Variants in ARHGAP21 observed in about 807,000 individuals in gnomAD.
ARHGAP21 encodes the protein rho GTPase-activating protein 21.
Under a neutral mutation model 164.6 loss-of-function variants are expected in ARHGAP21, and 38 were observed. That is an observed-to-expected ratio of 0.23 (90% confidence interval 0.18 to 0.30). The LOEUF (loss-of-function observed/expected upper bound fraction) is 0.30. ARHGAP21 is among the 10% of genes least tolerant of loss of function. The pLI, the probability that ARHGAP21 is intolerant of heterozygous loss-of-function variation, is 1.00. For synonymous variants in ARHGAP21, 766 were observed against 857.9 expected, an observed-to-expected ratio of 0.89 and a Z score of 1.87; for missense variants, 1,822 against 2,370.7, an observed-to-expected ratio of 0.77 and a Z score of 4.81.
At position 24,658,060 on chromosome 10, in the gene ARHGAP21, T is replaced by TTAAA. The variant is rs60160198; in HGVS notation, c.268+8924_268+8925insTTTA. ...AAGAATTATCAATAAAAAAATAAAT[T>TTAAA]AAAAAAAAAAAAATGCTCATCATCA... On this transcript the variant is annotated intron_variant, in intron 4 of 25. Transcript: ENST00000396432. Among the ~76,000 whole-genome samples, 6 of 147,394 alleles carry TTAAA rather than the reference T, an allele frequency of 4.1e-5. 1 individual carries two copies. The South Asian group carries it at 1.3e-3, about 32-fold the overall frequency.
Position 24,723,821 on chromosome 10 carries a change from T to TC in ARHGAP21, c.-641dup, listed in dbSNP as rs1264927919. ...GGGCGGGGCGGCGGCCGCCGGACTC[T>TC]CCCCTCGCCTCGCCGGGCCGGGCCG... On this transcript the variant is annotated 5_prime_UTR_variant, in exon 1 of 26. Coordinates refer to ENST00000396432, the MANE Select transcript of ARHGAP21 (RefSeq NM_020824.4). Among the ~76,000 whole-genome samples the TC allele has an allele frequency of 2.0e-5, 3 of 148,378 alleles. No homozygotes were observed. Among genetic ancestry groups the TC allele is most frequent in the Non-Finnish European group, 4.5e-5 (3 of 66,912 alleles).
In ARHGAP21 at chr10:24,584,504, C is replaced by G; in HGVS notation, c.5785G>C (p.Val1929Leu). The G allele has an allele frequency of 1.2e-6, 2 of 1,613,914 alleles. No homozygotes were observed. The highest frequency in any genetic ancestry group is 1.7e-6 in the Non-Finnish European group (2 of 1,179,858). ...DQINGESFQN[V>L]SKNASSAANA... Reference sequence around the variant, plus strand: ...GCTGCAGAACTAGCATTTTTGCTCACGTTCTGGAAGCTTTCTCCGTTTATT... The same window carrying G: ...GCTGCAGAACTAGCATTTTTGCTCAGGTTCTGGAAGCTTTCTCCGTTTATT... Residue 1929 changes from valine (V) to leucine (L), a missense_variant, in exon 26 of 26, where the codon GTG (valine) becomes CTG (leucine). By Grantham distance (32) the Val-to-Leu change is conservative. Coordinates refer to ENST00000396432, the MANE Select transcript of ARHGAP21 (RefSeq NM_020824.4).
rs932450494 is a variant in ARHGAP21, at chr10:24,583,737, C to T, written c.*675G>A. 1 of 152,572 alleles carries T rather than the reference C, an allele frequency of 6.6e-6. No individual in the cohort carries two copies. The highest frequency in any genetic ancestry group is 1.5e-5 in the Non-Finnish European group (1 of 68,030). 9.5% of individuals were successfully genotyped at this position (152,572 alleles called of 1,614,324 possible). A position where few individuals can be genotyped will look rare whatever the true frequency, so the allele number is the denominator to read the frequency against. ...TCTCGATAAAGAAGCCAGTTCCATC[C>T]AGGATCCACTATCTACACACCTATG... On this transcript the variant is annotated 3_prime_UTR_variant, in exon 26 of 26. Transcript: ENST00000396432.
intron 2 of ARHGAP21, among the ~76,000 whole-genome samples, chr10:24,704,588 C>A (rs1170409567): frequency 6.6e-6 from 1 of 152,044 alleles, no homozygotes; most frequent in East Asian, 1.9e-4. Flanking sequence ...CCTCAGCCTC[C>A]CAAGCAGCTG....
At chr10:24,679,651 A>T in intron 2 of ARHGAP21, among the ~76,000 whole-genome samples, 1 of 152,178 alleles carries the variant, frequency 6.6e-6, no homozygotes, top group East Asian at 1.9e-4. Context: ...TATTTTAGCC[A>T]TTGTGACAAG....
intron 4 of ARHGAP21, among the ~76,000 whole-genome samples, chr10:24,646,781 ATGATT>A (rs1187573064): frequency 2.6e-5 from 4 of 152,202 alleles, no homozygotes; most frequent in African/African-American, 9.6e-5. Flanking sequence ...CCATTATACA[ATGATT>A]TGATCATTAT....
chr10:24,645,372 G>A (rs1007270640), intron 4 of ARHGAP21, among the ~76,000 whole-genome samples: 9 of 152,096 alleles, frequency 5.9e-5, no homozygotes, highest in Non-Finnish European at 7.3e-5. Flanking sequence ...CCTGCAGTCA[G>A]GAGATTGAGA....
chr10:24,680,837 C>T lies in ARHGAP21; in HGVS notation c.64-10440G>A, dbSNP rs114192834. The stretch of plus-strand genomic sequence containing the variant: ...TCTCCACCTAAGAAATATCCCTCTA[C>T]ACACATCTTATTTCCCTAATGTGAG... On this transcript the variant is annotated intron_variant, in intron 2 of 25. Coordinates refer to ENST00000396432, the MANE Select transcript of ARHGAP21 (RefSeq NM_020824.4). Among the ~76,000 whole-genome samples, 1,353 of 152,280 alleles carry T rather than the reference C, an allele frequency of 8.9e-3. 22 individuals carry two copies. The highest frequency in any genetic ancestry group is 0.032 in the African/African-American group (1,310 of 41,556).
chr10:24,633,883 CTT>C lies in ARHGAP21; in HGVS notation c.362-405_362-404del, dbSNP rs3073324. ...CTCCACGTACCCTGTCTTTTTTTCT[CTT>C]TTTTTTTTTTTTTTTTTTTTTTTTT... On this transcript the variant is annotated intron_variant, in intron 5 of 25. Transcript: ENST00000396432. Among the ~76,000 whole-genome samples, 29 of 75,492 alleles carry C rather than the reference CTT, an allele frequency of 3.8e-4. No homozygotes were observed. In the South Asian group the frequency reaches 8.3e-3, roughly 22 times the overall value. 49.5% of individuals were successfully genotyped at this position (75,492 alleles called of 152,430 possible).
In ARHGAP21 at chr10:24,596,889, AT is replaced by A; in HGVS notation, c.3335-8del. On this transcript the variant is annotated splice_polypyrimidine_tract_variant and splice_region_variant and intron_variant, in intron 16 of 25. Coordinates refer to ENST00000396432, the MANE Select transcript of ARHGAP21 (RefSeq NM_020824.4). ...TTTGGGGGACTGGTATCATCTTTTG[AT>A]TGCCAGTCAAAATAAAACAACATAA... The A allele has an allele frequency of 6.3e-7, 1 of 1,591,660 alleles. No homozygotes were observed. The highest frequency in any genetic ancestry group is 8.5e-7 in the Non-Finnish European group (1 of 1,174,530).
chr10:24,656,356 C>T (rs866411839), intron 4 of ARHGAP21, among the ~76,000 whole-genome samples: 14 of 107,192 alleles, frequency 1.3e-4, no homozygotes, highest in Admixed American at 4.1e-4. Context: ...GTCAGCCCCC[C>T]CACCCGGCCA....
intron 4 of ARHGAP21, among the ~76,000 whole-genome samples, chr10:24,666,159 A>G (rs1471265261): frequency 6.6e-6 from 1 of 152,116 alleles, no homozygotes; most frequent in Non-Finnish European, 1.5e-5. Context: ...CCTCCTGAGT[A>G]GCTGGGATTA....
At chr10:24,650,850 T>C (rs1364942949) in intron 4 of ARHGAP21, among the ~76,000 whole-genome samples, 3 of 152,008 alleles carry the variant, frequency 2.0e-5, no homozygotes, top group Admixed American at 1.3e-4. Context: ...TCCAGAGAGG[T>C]GAGTCCAGTG....
chr10:24,614,951 C>T (rs1428343053), intron 9 of ARHGAP21, among the ~76,000 whole-genome samples: 1 of 151,924 alleles, frequency 6.6e-6, no homozygotes, highest in Non-Finnish European at 1.5e-5. Context: ...CTTTGGGAGG[C>T]TGAGGGGGAC....
rs143733965 is a variant in ARHGAP21, at chr10:24,635,375, T to C, written c.269-272A>G. Among the ~76,000 whole-genome samples, 9 of 152,302 alleles carry C rather than the reference T, an allele frequency of 5.9e-5. 2 individuals are homozygous for C. Among genetic ancestry groups the C allele is most frequent in the African/African-American group, 2.2e-4 (9 of 41,572 alleles). Reference sequence around the variant, plus strand: ...ATGTCAGTTGCCACACTAAATACTGTATCTCAGAGCTAATTTCCACAGCAA... The same window carrying C: ...ATGTCAGTTGCCACACTAAATACTGCATCTCAGAGCTAATTTCCACAGCAA... On this transcript the variant is annotated intron_variant, in intron 4 of 25. Coordinates refer to ENST00000396432, the MANE Select transcript of ARHGAP21 (RefSeq NM_020824.4).
chr10:24,689,810 GTGTATATATA>G (rs1842547823), intron 2 of ARHGAP21, among the ~76,000 whole-genome samples: 1 of 149,306 alleles, frequency 6.7e-6, no homozygotes, highest in African/African-American at 2.5e-5. Flanking sequence ...GTATATGTAT[GTGTATATATA>G]TGTATATATG....
intron 1 of ARHGAP21, chr10:24,722,826 G>C (rs1046836495): frequency 6.6e-6 from 1 of 151,882 alleles, no homozygotes; most frequent in Non-Finnish European, 1.5e-5. Context: ...GGCCCGCGGC[G>C]GGGCTGGGTG....
intron 2 of ARHGAP21, among the ~76,000 whole-genome samples, chr10:24,693,183 A>G (rs944444840): frequency 6.6e-6 from 1 of 152,230 alleles, no homozygotes; most frequent in African/African-American, 2.4e-5. Context: ...TCACTTTGCA[A>G]ACCTCGCCAA....
intron 2 of ARHGAP21, among the ~76,000 whole-genome samples, chr10:24,718,270 G>C (rs940874439): frequency 6.6e-6 from 1 of 152,176 alleles, no homozygotes; most frequent in Non-Finnish European, 1.5e-5. Context: ...GTCAGCGGTA[G>C]CGGTGAAATC....
Sources: allele counts gnomAD v4.1 joint callset (sites outside exome capture counted in the v4.1 genomes callset), GRCh38; gene constraint gnomAD v4.1.1; transcripts MANE v1.5; gene names NCBI Gene and HGNC (gene_info 2026-07-23, HGNC 2026-07-21).